The following SLC4A10 variants were observed in gnomAD, a reference collection of about 807,000 sequenced individuals.
SLC4A10 encodes the protein solute carrier family 4 member 10.
A neutral mutation model predicts 137.7 loss-of-function variants in SLC4A10; 42 were observed. The ratio of observed to expected loss-of-function variants is 0.30; its 90% CI spans 0.24 to 0.39. SLC4A10 has a LOEUF of 0.39. Ranked by LOEUF, SLC4A10 falls within the 10% of genes least tolerant of loss-of-function variation. SLC4A10 has a pLI of 1.00. For synonymous variants in SLC4A10, 474 were observed against 464.1 expected, an observed-to-expected ratio of 1.02 and a Z score of -0.27; for missense variants, 925 against 1,355.0, an observed-to-expected ratio of 0.68 and a Z score of 4.98.
At chr2:161,891,346 T>A (rs571820294) in intron 10 of SLC4A10, among the ~76,000 whole-genome samples, 1 of 152,282 alleles carries the variant, frequency 6.6e-6, no homozygotes, top group African/African-American at 2.4e-5. Context: ...TGGCTTGCCT[T>A]GCTAGGTTGG....
intron 1 of SLC4A10, among the ~76,000 whole-genome samples, chr2:161,717,094 T>TA (rs2045002148): frequency 6.6e-6 from 1 of 152,162 alleles, no homozygotes; most frequent in Non-Finnish European, 1.5e-5. Context: ...TTTGGCTTTA[T>TA]GCTTGTCTGT....
chr2:161,914,752 C>G (rs558940158), intron 15 of SLC4A10, among the ~76,000 whole-genome samples: 3 of 152,140 alleles, frequency 2.0e-5, no homozygotes, highest in Admixed American at 2.0e-4. Flanking sequence ...TGAATTGTGC[C>G]CCTCCCAAAT....
chr2:161,654,853 A>G (rs537306706), intron 1 of SLC4A10, among the ~76,000 whole-genome samples: 5 of 151,988 alleles, frequency 3.3e-5, no homozygotes, highest in Non-Finnish European at 5.9e-5. Flanking sequence ...TGATTTAGCT[A>G]TTTGGGGTTC....
At chr2:161,624,598 C>T in intron 1 of SLC4A10, 32 bp downstream of exon 1, 1 of 1,551,438 alleles carries the variant, frequency 6.4e-7, no homozygotes, top group Non-Finnish European at 8.7e-7. Flanking sequence ...CATAGATTAA[C>T]CGCGTTTGCT....
chr2:161,956,741 T>C (rs1439165271), intron 19 of SLC4A10, among the ~76,000 whole-genome samples: 2 of 152,320 alleles, frequency 1.3e-5, no homozygotes, highest in East Asian at 3.9e-4. Context: ...AAGATAGCAC[T>C]ATATTAAGGA....
chr2:161,726,327 TA>T (rs2046217358), intron 1 of SLC4A10, among the ~76,000 whole-genome samples: 1 of 152,164 alleles, frequency 6.6e-6, no homozygotes, highest in African/African-American at 2.4e-5. Flanking sequence ...AGGCTTTAGG[TA>T]AAACTAGCTA....
chr2:161,711,107 T>G (rs2044246717), intron 1 of SLC4A10, among the ~76,000 whole-genome samples: 1 of 151,828 alleles, frequency 6.6e-6, no homozygotes, highest in East Asian at 1.9e-4. Flanking sequence ...AAAATTGCAT[T>G]AAAGACTTTT....
At chr2:161,662,124 A>G (rs1241064287) in intron 1 of SLC4A10, among the ~76,000 whole-genome samples, 1 of 152,140 alleles carries the variant, frequency 6.6e-6, no homozygotes, top group East Asian at 1.9e-4. Flanking sequence ...TATATCATAA[A>G]CAATTGCTAA....
At chr2:161,864,059 G>A (rs973369934) in intron 6 of SLC4A10, among the ~76,000 whole-genome samples, 4 of 152,000 alleles carry the variant, frequency 2.6e-5, no homozygotes, top group African/African-American at 9.7e-5. Flanking sequence ...AAAATTAGCC[G>A]GGCGTGGTAG....
At chr2:161,833,361 G>A (rs993303185) in intron 3 of SLC4A10, among the ~76,000 whole-genome samples, 4 of 152,186 alleles carry the variant, frequency 2.6e-5, no homozygotes, top group Admixed American at 6.5e-5. Context: ...GATTTCTCTG[G>A]AAGAGACAAA....
At chr2:161,710,535 A>G (rs930528793) in intron 1 of SLC4A10, 1 of 207,386 alleles carries the variant, frequency 4.8e-6, no homozygotes, top group African/African-American at 2.3e-5. Flanking sequence ...CTCTATTACT[A>G]TTTCAAAATA....
chr2:161,851,400 T>G (rs2059826538), intron 4 of SLC4A10, among the ~76,000 whole-genome samples: 1 of 152,224 alleles, frequency 6.6e-6, no homozygotes, highest in Non-Finnish European at 1.5e-5. Context: ...GTTCCAGTAT[T>G]GGGTGCATAT....
intron 15 of SLC4A10, among the ~76,000 whole-genome samples, chr2:161,918,036 C>G (rs1687447577): frequency 6.6e-6 from 1 of 152,182 alleles, no homozygotes; most frequent in South Asian, 2.1e-4. Flanking sequence ...CGTTGTGGGT[C>G]ACTGGTTTGT....
intron 23 of SLC4A10, among the ~76,000 whole-genome samples, chr2:161,970,980 TGTTTCTTCCCACCTGGA>T (rs553237490): frequency 0.013 from 2,009 of 152,304 alleles, 41 homozygotes; most frequent in East Asian, 0.098. Context: ...TGGCCTACAT[TGTTTCTTCCCACCTGGA>T]GTTTCTTCCC....
At chr2:161,697,232 A>G (rs938464063) in intron 1 of SLC4A10, among the ~76,000 whole-genome samples, 1 of 151,682 alleles carries the variant, frequency 6.6e-6, no homozygotes, top group African/African-American at 2.4e-5. Flanking sequence ...GTAGGTTGCA[A>G]AATTTTCTCC....
intron 4 of SLC4A10, among the ~76,000 whole-genome samples, chr2:161,853,790 T>G (rs1221602542): frequency 6.6e-6 from 1 of 152,188 alleles, no homozygotes; most frequent in Non-Finnish European, 1.5e-5. Context: ...AAGTATTCTT[T>G]TCTATTGGCT....
intron 18 of SLC4A10, 34 bp from the exon 19 acceptor site, chr2:161,950,653 G>C (rs1414033960): frequency 6.4e-7 from 1 of 1,557,466 alleles, no homozygotes; most frequent in East Asian, 2.4e-5. Flanking sequence ...CATTAATCCA[G>C]TTCATAACTA....
intron 2 of SLC4A10, among the ~76,000 whole-genome samples, chr2:161,784,223 AC>A (rs1203370861): frequency 4.6e-5 from 7 of 151,924 alleles, no homozygotes; most frequent in African/African-American, 1.7e-4. Flanking sequence ...ACAATTAAGC[AC>A]CTAAACATAT....
At chr2:161,635,419 A>C (rs760871591) in intron 1 of SLC4A10, among the ~76,000 whole-genome samples, 1 of 152,240 alleles carries the variant, frequency 6.6e-6, no homozygotes, top group South Asian at 2.1e-4. Context: ...TTGGCCCTCC[A>C]AAAAGTCCAC....
Sources: allele counts gnomAD v4.1 joint callset (sites outside exome capture counted in the v4.1 genomes callset), GRCh38; gene constraint gnomAD v4.1.1; transcripts MANE v1.5; gene names NCBI Gene and HGNC (gene_info 2026-07-23, HGNC 2026-07-21).